The following PITPNC1 variants were observed in gnomAD, a reference collection of about 807,000 sequenced individuals.
PITPNC1 encodes the protein cytoplasmic phosphatidylinositol transfer protein 1.
Under a neutral mutation model 44.7 loss-of-function variants are expected in PITPNC1, and 18 were observed. The ratio of observed to expected loss-of-function variants is 0.40; its 90% CI spans 0.28 to 0.60. PITPNC1 has a LOEUF of 0.60. PITPNC1 is among the 20% of genes least tolerant of loss of function. The probability of loss-of-function intolerance (pLI) is 0.39; values close to 1 mark genes in which losing one functional copy is unlikely to be tolerated. For synonymous variants in PITPNC1, 141 were observed against 149.6 expected (o/e 0.94, Z 0.42); for missense variants, 290 against 418.4 (o/e 0.69, Z 2.68).
chr17:67,612,150 A>G (rs1484239548), intron 5 of PITPNC1: 1 of 152,288 alleles, frequency 6.6e-6, no homozygotes, highest in Non-Finnish European at 1.5e-5. Context: ...CATCTTGGGC[A>G]GGCAGATATC....
chr17:67,498,876 TTG>T (rs1488288332), intron 1 of PITPNC1, among the ~76,000 whole-genome samples: 6 of 87,892 alleles, frequency 6.8e-5, no homozygotes, highest in Middle Eastern at 9.3e-3. Context: ...TTGTTTGTTT[TTG>T]TTTTTTTTTT....
intron 1 of PITPNC1, among the ~76,000 whole-genome samples, chr17:67,395,433 G>A (rs1343875953): frequency 6.6e-6 from 1 of 152,160 alleles, no homozygotes; most frequent in African/African-American, 2.4e-5. Context: ...ACAGGTGAGA[G>A]CCACCACACC....
intron 6 of PITPNC1, among the ~76,000 whole-genome samples, chr17:67,643,410 T>G (rs1460301071): frequency 6.6e-6 from 1 of 151,888 alleles, no homozygotes; most frequent in Admixed American, 6.6e-5. Context: ...GAAAGAACCC[T>G]TGGGGAAATC....
At chr17:67,533,368 G>A (rs75259542) in intron 2 of PITPNC1, among the ~76,000 whole-genome samples, 23,342 of 152,212 alleles carry the variant, frequency 0.15, 2,311 homozygotes, top group Middle Eastern at 0.28. Flanking sequence ...AGGAGCTTTC[G>A]GCTCATCTTT....
intron 6 of PITPNC1, chr17:67,638,544 A>G (rs1177809221): frequency 1.3e-5 from 2 of 152,236 alleles, no homozygotes; most frequent in Non-Finnish European, 2.9e-5. Flanking sequence ...ATCTTCAGAC[A>G]TACCTCCAGG....
chr17:67,671,977 C>A (rs1030570323), intron 7 of PITPNC1, among the ~76,000 whole-genome samples: 2 of 151,954 alleles, frequency 1.3e-5, no homozygotes, highest in African/African-American at 4.8e-5. Context: ...ATCTGTTGCC[C>A]AGGCTGGAGT....
intron 2 of PITPNC1, among the ~76,000 whole-genome samples, chr17:67,534,815 A>G (rs866590819): frequency 3.3e-5 from 5 of 152,134 alleles, no homozygotes; most frequent in Admixed American, 6.5e-5. Flanking sequence ...AAGTATTTCC[A>G]ACACCCTAGC....
At chr17:67,581,267 C>G (rs1366844065) in intron 5 of PITPNC1, among the ~76,000 whole-genome samples, 1 of 152,240 alleles carries the variant, frequency 6.6e-6, no homozygotes. Flanking sequence ...AATCAGGATC[C>G]AGGCCCATGC....
At chr17:67,540,100 AT>A (rs1394693846) in intron 2 of PITPNC1, among the ~76,000 whole-genome samples, 9 of 140,928 alleles carry the variant, frequency 6.4e-5, no homozygotes, top group Non-Finnish European at 1.5e-5. Context: ...ATTTTATTTT[AT>A]TTTATTTTAT....
chr17:67,578,441 T>C lies in PITPNC1; in HGVS notation c.366+184T>C, dbSNP rs1298505002. 1.3e-5 allele frequency among the ~76,000 whole-genome samples: 2 copies of C among 152,198 alleles called. 1 individual carries two copies. Among genetic ancestry groups the C allele is most frequent in the South Asian group, 4.1e-4 (2 of 4,826 alleles). The stretch of plus-strand genomic sequence containing the variant: ...TTTTCCCTGGAATTCTTTTGTTGTC[T>C]AGCTTTTCTTTCTTCTCATTTTTAT... On this transcript the variant is annotated intron_variant, in intron 5 of 8. Coordinates refer to ENST00000581322, the MANE Select transcript of PITPNC1 (RefSeq NM_012417.4).
At chr17:67,432,525 A>AAAC (rs1323792129) in intron 1 of PITPNC1, among the ~76,000 whole-genome samples, 14 of 152,168 alleles carry the variant, frequency 9.2e-5, no homozygotes, top group Non-Finnish European at 1.8e-4. Flanking sequence ...ATACATAAAT[A>AAAC]AATAATAAAA....
In PITPNC1 at chr17:67,405,138, T is replaced by C. The variant is rs565474544; in HGVS notation, c.48+26936T>C. On this transcript the variant is annotated intron_variant, in intron 1 of 8. Coordinates refer to ENST00000581322, the MANE Select transcript of PITPNC1 (RefSeq NM_012417.4). ...GGCGCACACCTGTAATCCCAGCTAC[T>C]TGGGAGGCTGAGGCATGAGAATCAC... Among the ~76,000 whole-genome samples, 113 of 152,138 alleles carry C rather than the reference T, an allele frequency of 7.4e-4. 2 individuals carry two copies. The South Asian group carries it at 0.022, about 30-fold the overall frequency.
rs574937900 is a variant in PITPNC1, at chr17:67,641,070, A to G, written c.462+8832A>G. Among the ~76,000 whole-genome samples, 3 of 152,338 alleles carry G rather than the reference A, an allele frequency of 2.0e-5. No homozygotes were observed. The East Asian group carries it at 5.8e-4, about 29-fold the overall frequency. Reference sequence around the variant, plus strand: ...GCTAAGTGACAGTACGGAGCAAGGCAGCAAGAGAAATACATTCACACAGTC... The same window carrying G: ...GCTAAGTGACAGTACGGAGCAAGGCGGCAAGAGAAATACATTCACACAGTC... On this transcript the variant is annotated intron_variant, in intron 6 of 8. Coordinates refer to ENST00000581322, the MANE Select transcript of PITPNC1 (RefSeq NM_012417.4).
chr17:67,662,187 C>T (rs912725643), intron 6 of PITPNC1, among the ~76,000 whole-genome samples: 4 of 152,084 alleles, frequency 2.6e-5, no homozygotes, highest in African/African-American at 7.2e-5. Flanking sequence ...GGTGCGGTAG[C>T]GTATGCCTGT....
chr17:67,522,192 T>C (rs1167876886), intron 1 of PITPNC1, among the ~76,000 whole-genome samples: 1 of 151,990 alleles, frequency 6.6e-6, no homozygotes, highest in Non-Finnish European at 1.5e-5. Flanking sequence ...TAATTCCAGC[T>C]ACTCAGGAGG....
intron 1 of PITPNC1, among the ~76,000 whole-genome samples, chr17:67,432,441 TTG>T (rs2038870841): frequency 6.6e-6 from 1 of 152,164 alleles, no homozygotes; most frequent in South Asian, 2.1e-4. Context: ...TGAGCCGAGC[TTG>T]CAGTGAGCCG....
At chr17:67,403,912 C>T (rs1567976710) in intron 1 of PITPNC1, among the ~76,000 whole-genome samples, 2 of 152,174 alleles carry the variant, frequency 1.3e-5, no homozygotes, top group Non-Finnish European at 2.9e-5. Flanking sequence ...ATCCCAGCTA[C>T]TTGGGAGGCT....
intron 1 of PITPNC1, among the ~76,000 whole-genome samples, chr17:67,436,569 G>A (rs2038939557): frequency 6.6e-6 from 1 of 152,118 alleles, no homozygotes; most frequent in South Asian, 2.1e-4. Flanking sequence ...AAGCGTTCGG[G>A]GCCTGGCTGG....
chr17:67,504,480 G>A (rs2040075271), intron 1 of PITPNC1, among the ~76,000 whole-genome samples: 1 of 152,176 alleles, frequency 6.6e-6, no homozygotes, highest in Non-Finnish European at 1.5e-5. Context: ...TGAAGAACAA[G>A]TTTTCAACCT....
Sources: allele counts gnomAD v4.1 joint callset (sites outside exome capture counted in the v4.1 genomes callset), GRCh38; gene constraint gnomAD v4.1.1; transcripts MANE v1.5; gene names NCBI Gene and HGNC (gene_info 2026-07-23, HGNC 2026-07-21).